SENP1: variants seen among roughly 807,000 people sequenced by gnomAD.
SENP1 encodes sentrin-specific protease 1.
In SENP1, 21 loss-of-function variants were observed where a neutral mutation model predicts 93.0. The observed-to-expected ratio is 0.23, with a 90% CI of 0.16 to 0.33. SENP1 has a LOEUF of 0.33. Ranked by LOEUF, SENP1 falls within the 10% of genes least tolerant of loss-of-function variation. The probability of loss-of-function intolerance (pLI) is 1.00; values close to 1 mark genes in which losing one functional copy is unlikely to be tolerated. For missense variants in SENP1, 591 were observed against 758.7 expected (o/e 0.78, Z 2.60); for synonymous variants, 256 against 259.6 (o/e 0.99, Z 0.13).
chr12:48,091,315 T>A (rs1945210932), intron 4 of SENP1, among the ~76,000 whole-genome samples: 1 of 152,034 alleles, frequency 6.6e-6, no homozygotes, highest in Non-Finnish European at 1.5e-5. Context: ...CCAGGCGTGG[T>A]GGCACACGTC....
chr12:48,086,556 TAGG>T (rs1168623981), intron 5 of SENP1, among the ~76,000 whole-genome samples: 1 of 152,206 alleles, frequency 6.6e-6, no homozygotes, highest in Non-Finnish European at 1.5e-5. Context: ...TCATGAATAA[TAGG>T]AGAACCAAAA....
rs769999636 is a variant in SENP1 at position 48,074,348 on chromosome 12, C to A, written c.916G>T (p.Ala306Ser). ...CCTTCAGATTGTGTATTTGAAGCTG[C>A]TAAGTTATCTGGCTGATGTGGAACA... ...HSVPHQPDNL[A>S]ASNTQSEGSD... Residue 306 changes from alanine to serine, a missense_variant, in exon 8 of 18, where the codon GCA (alanine) becomes TCA (serine). This residue lies in a region of SENP1 where 238 missense variants were observed against 259.1 expected (regional missense o/e 0.92). Coordinates refer to ENST00000549518, the MANE Select transcript of SENP1 (RefSeq NM_001267594.2). The A allele has an allele frequency of 6.2e-7, 1 of 1,612,846 alleles. No individual in the cohort carries two copies. Among genetic ancestry groups the A allele is most frequent in the Non-Finnish European group, 8.5e-7 (1 of 1,179,082 alleles).
chr12:48,089,508 A>G (rs1945092331), intron 4 of SENP1, among the ~76,000 whole-genome samples: 1 of 152,242 alleles, frequency 6.6e-6, no homozygotes, highest in Admixed American at 6.5e-5. Flanking sequence ...CCCATCATAT[A>G]TATCTGGTTC....
chr12:48,103,492 C>T (rs1592505052), intron 1 of SENP1, among the ~76,000 whole-genome samples: 2 of 152,238 alleles, frequency 1.3e-5, no homozygotes, highest in East Asian at 3.9e-4. Context: ...ATTAAAACCC[C>T]ACATTTATAT....
chr12:48,099,695 C>T (rs1945792665), intron 2 of SENP1, among the ~76,000 whole-genome samples: 1 of 152,122 alleles, frequency 6.6e-6, no homozygotes, highest in South Asian at 2.1e-4. Context: ...GCCTGTAATC[C>T]TAGCTACTTG....
At chr12:48,074,902 C>G in intron 6 of SENP1, 109 bp from the exon 7 acceptor site, 1 of 718,952 alleles carries the variant, frequency 1.4e-6, no homozygotes, top group Admixed American at 2.7e-5. Context: ...CAGGCAGAAT[C>G]CTTAAGATAA....
chr12:48,105,906 G>A, intron 1 of SENP1, 122 bp downstream of exon 1: 2 of 636,052 alleles, frequency 3.1e-6, no homozygotes, highest in Non-Finnish European at 5.7e-6. Context: ...AAAGGCGCCG[G>A]CCCCACAGTG....
At chr12:48,079,222 G>A (rs574768165) in intron 6 of SENP1, among the ~76,000 whole-genome samples, 6 of 152,202 alleles carry the variant, frequency 3.9e-5, no homozygotes, top group African/African-American at 1.4e-4. Flanking sequence ...ATTAGGGGCT[G>A]GGCACGGTGG....
At chr12:48,100,626 C>T (rs1262840488) in intron 2 of SENP1, among the ~76,000 whole-genome samples, 1 of 151,318 alleles carries the variant, frequency 6.6e-6, no homozygotes, top group East Asian at 1.9e-4. Context: ...CAGAGCGAGA[C>T]TCCGTCTCAA....
intron 12 of SENP1, 65 bp downstream of exon 12, chr12:48,065,000 T>A (rs1396390831): frequency 8.4e-7 from 1 of 1,196,730 alleles, no homozygotes; most frequent in Non-Finnish European, 1.2e-6. Flanking sequence ...TGTTTGAAAC[T>A]CATCCGAGGG....
At chr12:48,054,334 T>C (rs1173093235) in intron 13 of SENP1, among the ~76,000 whole-genome samples, 1 of 152,232 alleles carries the variant, frequency 6.6e-6, no homozygotes, top group Non-Finnish European at 1.5e-5. Flanking sequence ...GCCTTCTTGA[T>C]GAACTGACCC....
intron 9 of SENP1, among the ~76,000 whole-genome samples, chr12:48,068,600 T>TA (rs1009495291): frequency 1.3e-5 from 2 of 151,648 alleles, no homozygotes; most frequent in Admixed American, 6.6e-5. Context: ...ATGAAAGCAT[T>TA]AAAAAAAAGC....
intron 13 of SENP1, among the ~76,000 whole-genome samples, chr12:48,052,625 C>T (rs1592290699): frequency 6.6e-6 from 1 of 152,170 alleles, no homozygotes; most frequent in South Asian, 2.1e-4. Flanking sequence ...ACCAGGAAGG[C>T]AGGTTTCCCT....
At chr12:48,056,038 G>A (rs1942255147) in intron 13 of SENP1, among the ~76,000 whole-genome samples, 1 of 122,778 alleles carries the variant, frequency 8.1e-6, no homozygotes, top group African/African-American at 3.3e-5. Context: ...ACTTAATATA[G>A]TATAAATATA....
At position 48,065,228 on chromosome 12, in the gene SENP1, A is replaced by G; in HGVS notation, c.1120-8T>C. The G allele has an allele frequency of 6.4e-7, 1 of 1,573,250 alleles. No homozygotes were observed. The highest frequency in any genetic ancestry group is 8.6e-7 in the Non-Finnish European group (1 of 1,156,226). ...TTCCCGCTCCTGCAATCTCTGAAAG[A>G]TAAAACTTCAGAGTAAGTGGGATAA... is the stretch of plus-strand genomic sequence containing the variant. On this transcript the variant is annotated splice_polypyrimidine_tract_variant and splice_region_variant and intron_variant, in intron 11 of 17. Coordinates refer to ENST00000549518, the MANE Select transcript of SENP1 (RefSeq NM_001267594.2).
chr12:48,096,216 T>C, intron 4 of SENP1, 127 bp downstream of exon 4: 1 of 572,024 alleles, frequency 1.7e-6, no homozygotes, highest in Non-Finnish European at 3.1e-6. Context: ...CAAATGATGT[T>C]TTAGTGAAGA....
intron 6 of SENP1, chr12:48,080,591 C>T (rs1944430085): frequency 6.6e-6 from 1 of 152,246 alleles, no homozygotes; most frequent in Non-Finnish European, 1.5e-5. Flanking sequence ...CAACGTTTCA[C>T]GGAAAGTGAC....
intron 11 of SENP1, 122 bp downstream of exon 11, chr12:48,065,474 G>T: frequency 1.5e-6 from 1 of 678,102 alleles, no homozygotes; most frequent in Non-Finnish European, 2.5e-6. Flanking sequence ...ATCATAACAT[G>T]CTATGCTACC....
intron 1 of SENP1, chr12:48,105,515 A>G: frequency 1.9e-6 from 1 of 519,072 alleles, no homozygotes; most frequent in South Asian, 1.4e-5. Flanking sequence ...ATCACATCTC[A>G]GGGAGATACC....
Sources: allele counts gnomAD v4.1 joint callset (sites outside exome capture counted in the v4.1 genomes callset), GRCh38; gene constraint gnomAD v4.1.1; regional missense constraint gnomAD v4.1.1; transcripts MANE v1.5; gene names NCBI Gene and HGNC (gene_info 2026-07-23, HGNC 2026-07-21).